CARMIL1: variants seen among roughly 807,000 people sequenced by gnomAD.
The protein encoded by CARMIL1 is F-actin-uncapping protein LRRC16A.
Under a neutral mutation model 177.1 loss-of-function variants are expected in CARMIL1, and 90 were observed. That is an observed-to-expected ratio of 0.51 (90% confidence interval 0.43 to 0.61). The LOEUF is 0.61. Among genes scored for constraint, CARMIL1 ranks in the 20% least tolerant of loss-of-function variants. The probability of loss-of-function intolerance (pLI) is 0.00; values close to 1 mark genes in which losing one functional copy is unlikely to be tolerated. For missense variants in CARMIL1, 1,380 were observed against 1,667.0 expected (o/e 0.83, Z 3.00); for synonymous variants, 577 against 606.2 (o/e 0.95, Z 0.71).
At chr6:25,322,780 T>C (rs1224085102) in intron 2 of CARMIL1, among the ~76,000 whole-genome samples, 1 of 152,180 alleles carries the variant, frequency 6.6e-6, no homozygotes, top group African/African-American at 2.4e-5. Flanking sequence ...TAAGCTCCAT[T>C]TTTTATATTT....
chr6:25,619,426 C>T (rs765215244), intron 36 of CARMIL1, 21 bp from the exon 37 acceptor site: 37 of 1,606,088 alleles, frequency 2.3e-5, no homozygotes, highest in African/African-American at 6.7e-5. Context: ...GTAAACTGTG[C>T]GACTTCCCTT....
At chr6:25,451,835 C>T (rs1193924280) in intron 8 of CARMIL1, among the ~76,000 whole-genome samples, 2 of 152,062 alleles carry the variant, frequency 1.3e-5, no homozygotes, top group African/African-American at 4.8e-5. Flanking sequence ...GTCAGCCCTA[C>T]TTAATAAACT....
intron 33 of CARMIL1, among the ~76,000 whole-genome samples, chr6:25,601,790 T>C (rs1815430510): frequency 6.6e-6 from 1 of 152,220 alleles, no homozygotes; most frequent in African/African-American, 2.4e-5. Context: ...ATAAGGAGTC[T>C]TTTTCACTTT....
intron 23 of CARMIL1, among the ~76,000 whole-genome samples, chr6:25,522,109 CA>C (rs1430825199): frequency 1.2e-4 from 19 of 152,334 alleles, no homozygotes; most frequent in African/African-American, 4.1e-4. Flanking sequence ...TAAATCTCTT[CA>C]TTAGCTTTCC....
intron 4 of CARMIL1, among the ~76,000 whole-genome samples, chr6:25,429,002 G>A (rs1013848440): frequency 1.3e-5 from 2 of 152,018 alleles, no homozygotes; most frequent in African/African-American, 4.8e-5. Context: ...TTTTAACATG[G>A]GTGCCTTTTA....
At chr6:25,364,143 C>T (rs946503844) in intron 2 of CARMIL1, among the ~76,000 whole-genome samples, 3 of 152,058 alleles carry the variant, frequency 2.0e-5, no homozygotes, top group African/African-American at 7.2e-5. Flanking sequence ...TGGGGTCTCA[C>T]TATGTTGCCT....
intron 31 of CARMIL1, among the ~76,000 whole-genome samples, chr6:25,583,919 A>T (rs1374933287): frequency 6.6e-6 from 1 of 151,928 alleles, no homozygotes; most frequent in Non-Finnish European, 1.5e-5. Context: ...ATGGAATAAC[A>T]CTAACAATAT....
chr6:25,306,217 T>C (rs998334692), intron 2 of CARMIL1, among the ~76,000 whole-genome samples: 2 of 152,126 alleles, frequency 1.3e-5, no homozygotes, highest in African/African-American at 4.8e-5. Context: ...GCTTGTGTCA[T>C]TTAGCAGAAG....
chr6:25,370,885 A>G (rs531862738), intron 2 of CARMIL1, among the ~76,000 whole-genome samples: 136 of 152,190 alleles, frequency 8.9e-4, no homozygotes, highest in African/African-American at 3.2e-3. Flanking sequence ...TGTACCCAAT[A>G]TGTAGCTTTT....
At chr6:25,285,308 T>G (rs1185937828) in intron 2 of CARMIL1, among the ~76,000 whole-genome samples, 3 of 152,216 alleles carry the variant, frequency 2.0e-5, no homozygotes, top group African/African-American at 7.2e-5. Context: ...TTTAATTACT[T>G]AATTAGATTT....
At chr6:25,470,229 T>C (rs894775002) in intron 9 of CARMIL1, among the ~76,000 whole-genome samples, 1 of 152,226 alleles carries the variant, frequency 6.6e-6, no homozygotes, top group Non-Finnish European at 1.5e-5. Context: ...CAGTTAGTGT[T>C]CATCAAGTAC....
At chr6:25,496,893 G>T (rs1455074252) in intron 16 of CARMIL1, among the ~76,000 whole-genome samples, 2 of 152,152 alleles carry the variant, frequency 1.3e-5, no homozygotes, top group African/African-American at 4.8e-5. Flanking sequence ...TGGTTAATGT[G>T]ACTGATTTTG....
In CARMIL1 at chr6:25,465,855, T is replaced by A; in HGVS notation, c.615-18T>A. ...ACTGTAGGAGCACTTTCATGTACTT[T>A]GTTGTTTCTGCTTCCAGGGACCTAA... On this transcript the variant is annotated intron_variant, in intron 8 of 36. Transcript: ENST00000329474. The A allele has an allele frequency of 7.1e-6, 11 of 1,555,148 alleles. No individual in the cohort carries two copies. The highest frequency in any genetic ancestry group is 8.0e-6 in the Non-Finnish European group (9 of 1,127,034).
chr6:25,305,835 G>A (rs186671306), intron 2 of CARMIL1, among the ~76,000 whole-genome samples: 54 of 152,280 alleles, frequency 3.5e-4, no homozygotes, highest in African/African-American at 1.1e-3. Context: ...GGGAAAGTGA[G>A]GCCTGTGCCT....
At chr6:25,464,648 G>T (rs901079783) in intron 8 of CARMIL1, among the ~76,000 whole-genome samples, 1 of 152,156 alleles carries the variant, frequency 6.6e-6, no homozygotes, top group African/African-American at 2.4e-5. Context: ...GTAGACAAAG[G>T]CTTGGTTTTC....
At chr6:25,450,843 C>T in intron 8 of CARMIL1, 132 bp downstream of exon 8, 4 of 489,126 alleles carry the variant, frequency 8.2e-6, no homozygotes. Flanking sequence ...CCCTCCCCTC[C>T]CCTTCCCTCC....
intron 2 of CARMIL1, among the ~76,000 whole-genome samples, chr6:25,405,938 G>T (rs1345717029): frequency 6.6e-6 from 1 of 152,180 alleles, no homozygotes; most frequent in African/African-American, 2.4e-5. Flanking sequence ...ATTTTCAGAG[G>T]TGGAAATAGG....
At position 25,609,337 on chromosome 6, in the gene CARMIL1, G is replaced by A. The variant is rs577424424; in HGVS notation, c.3848-713G>A. 3.0e-4 allele frequency among the ~76,000 whole-genome samples: 46 copies of A among 151,898 alleles called. 1 individual carries two copies. In the South Asian group the frequency reaches 8.3e-3, roughly 28 times the overall value. ...AAAAATTAGCCTGGCATGGTGGCAC[G>A]TGCCTGTAATCCCAGCTACTTGGGA... On this transcript the variant is annotated intron_variant, in intron 35 of 36. Transcript: ENST00000329474.
chr6:25,376,555 CTTGGTTATAGAGAGTCT>C (rs1791002766), intron 2 of CARMIL1, among the ~76,000 whole-genome samples: 1 of 152,048 alleles, frequency 6.6e-6, no homozygotes, highest in Non-Finnish European at 1.5e-5. Context: ...GTATGACTTC[CTTGGTTATAGAGAGTCT>C]TTGTATGACA....
Sources: allele counts gnomAD v4.1 joint callset (sites outside exome capture counted in the v4.1 genomes callset), GRCh38; gene constraint gnomAD v4.1.1; transcripts MANE v1.5; gene names NCBI Gene and HGNC (gene_info 2026-07-23, HGNC 2026-07-21).